ARHGAP24: variants seen among roughly 807,000 people sequenced by gnomAD.
ARHGAP24 encodes rho GTPase-activating protein 24.
In ARHGAP24, 50 loss-of-function variants were observed where a neutral mutation model predicts 76.4. The observed-to-expected ratio is 0.65, with a 90% CI of 0.52 to 0.83. The LOEUF (loss-of-function observed/expected upper bound fraction) is 0.83. Ranked by LOEUF, ARHGAP24 falls within the 40% of genes least tolerant of loss-of-function variation. The pLI is 0.00. For synonymous variants in ARHGAP24, 345 were observed against 323.3 expected, an observed-to-expected ratio of 1.07 and a Z score of -0.72; for missense variants, 930 against 914.2, an observed-to-expected ratio of 1.02 and a Z score of -0.22.
chr4:85,934,011 G>A (rs1416306168), intron 4 of ARHGAP24, among the ~76,000 whole-genome samples: 1 of 151,868 alleles, frequency 6.6e-6, no homozygotes, highest in Non-Finnish European at 1.5e-5. Context: ...TGCCTTTATT[G>A]CTCCATGTAT....
At chr4:85,726,333 G>A (rs776308466) in intron 3 of ARHGAP24, among the ~76,000 whole-genome samples, 3 of 152,088 alleles carry the variant, frequency 2.0e-5, no homozygotes, top group Non-Finnish European at 2.9e-5. Flanking sequence ...CAGGAAACAC[G>A]CTGATGGAGA....
intron 1 of ARHGAP24, among the ~76,000 whole-genome samples, chr4:85,482,234 T>C (rs1722842638): frequency 6.6e-6 from 1 of 152,234 alleles, no homozygotes. Flanking sequence ...TGGTTTGTCA[T>C]TGTGAAATCG....
At chr4:85,909,298 T>TG (rs1381994828) in intron 3 of ARHGAP24, among the ~76,000 whole-genome samples, 3 of 117,454 alleles carry the variant, frequency 2.6e-5, no homozygotes, top group African/African-American at 9.9e-5. Flanking sequence ...TTTTCTTTTG[T>TG]TTTGTTTTTT....
At chr4:85,815,202 C>G (rs1729186129) in intron 3 of ARHGAP24, among the ~76,000 whole-genome samples, 1 of 152,032 alleles carries the variant, frequency 6.6e-6, no homozygotes, top group Non-Finnish European at 1.5e-5. Flanking sequence ...CCATGAAGAC[C>G]TCTGACATAA....
chr4:85,757,865 C>G (rs1463649482), intron 3 of ARHGAP24, among the ~76,000 whole-genome samples: 1 of 152,162 alleles, frequency 6.6e-6, no homozygotes, highest in Non-Finnish European at 1.5e-5. Context: ...TCTCCACATC[C>G]TCTCCAGCAC....
intron 3 of ARHGAP24, among the ~76,000 whole-genome samples, chr4:85,865,166 A>G (rs939441813): frequency 6.6e-6 from 1 of 152,072 alleles, no homozygotes; most frequent in Non-Finnish European, 1.5e-5. Context: ...GATGTGTTTC[A>G]GAAAAATACC....
intron 3 of ARHGAP24, 179 bp downstream of exon 3, chr4:85,722,151 A>T: frequency 1.7e-6 from 1 of 580,508 alleles, no homozygotes; most frequent in East Asian, 3.2e-5. Flanking sequence ...GAATGCACTC[A>T]CACACACATA....
intron 1 of ARHGAP24, among the ~76,000 whole-genome samples, chr4:85,487,723 TTTATATTATATATTATATA>T: frequency 9.5e-6 from 1 of 105,156 alleles, no homozygotes; most frequent in Admixed American, 1.4e-4. Flanking sequence ...TAAATATATA[TTTATATTATATATTATATA>T]ATATATATTT....
At chr4:85,612,061 A>G (rs1578076717) in intron 2 of ARHGAP24, among the ~76,000 whole-genome samples, 1 of 145,730 alleles carries the variant, frequency 6.9e-6, no homozygotes, top group Admixed American at 7.1e-5. Context: ...ATGTGGATAA[A>G]TTGGGTTCTC....
intron 2 of ARHGAP24, among the ~76,000 whole-genome samples, chr4:85,575,128 A>G (rs2109966810): frequency 6.6e-6 from 1 of 152,226 alleles, no homozygotes; most frequent in South Asian, 2.1e-4. Context: ...TTATCCTGTA[A>G]TTTTTTTAAT....
chr4:85,907,593 G>A (rs1217418526), intron 3 of ARHGAP24, among the ~76,000 whole-genome samples: 1 of 145,070 alleles, frequency 6.9e-6, no homozygotes, highest in African/African-American at 2.5e-5. Context: ...GTGTACATAT[G>A]TGCTTGTCTG....
Position 85,843,751 on chromosome 4 carries a change from A to G in ARHGAP24, c.269-79897A>G, listed in dbSNP as rs186993506. 1.1e-4 allele frequency among the ~76,000 whole-genome samples: 17 copies of G among 152,292 alleles called. No individual in the cohort carries two copies. In the East Asian group the frequency reaches 3.3e-3, roughly 29 times the overall value. ...CACCTATTTATTTACAGAAAAATCA[A>G]CAAGAATTAGAAAACATGTTGGAAA... On this transcript the variant is annotated intron_variant, in intron 3 of 9. Coordinates refer to ENST00000395184, the MANE Select transcript of ARHGAP24 (RefSeq NM_001025616.3).
At chr4:85,653,228 A>G (rs191649496) in intron 2 of ARHGAP24, among the ~76,000 whole-genome samples, 8 of 152,258 alleles carry the variant, frequency 5.3e-5, no homozygotes, top group Non-Finnish European at 1.0e-4. Flanking sequence ...ACCAGAATAT[A>G]TCATTGTTCT....
intron 3 of ARHGAP24, among the ~76,000 whole-genome samples, chr4:85,880,987 T>G (rs761616042): frequency 6.6e-6 from 1 of 152,212 alleles, no homozygotes; most frequent in Non-Finnish European, 1.5e-5. Flanking sequence ...AGTGTTCACG[T>G]ATTCACCTAA....
At chr4:85,855,453 T>C (rs1158846271) in intron 3 of ARHGAP24, among the ~76,000 whole-genome samples, 1 of 152,176 alleles carries the variant, frequency 6.6e-6, no homozygotes. Context: ...ACGCCTGTAA[T>C]CCCAGTACTT....
At chr4:85,597,791 G>A (rs1228309391) in intron 2 of ARHGAP24, among the ~76,000 whole-genome samples, 1 of 152,044 alleles carries the variant, frequency 6.6e-6, no homozygotes, top group Non-Finnish European at 1.5e-5. Context: ...AGGTTGAAAA[G>A]TAGAGAATCT....
At chr4:85,937,785 C>A (rs1003467496) in intron 4 of ARHGAP24, among the ~76,000 whole-genome samples, 2 of 151,990 alleles carry the variant, frequency 1.3e-5, no homozygotes, top group Non-Finnish European at 2.9e-5. Flanking sequence ...TAGAAAAAAG[C>A]CATTTTATTG....
intron 2 of ARHGAP24, among the ~76,000 whole-genome samples, chr4:85,606,778 A>G (rs1578072536): frequency 1.3e-5 from 2 of 152,334 alleles, no homozygotes; most frequent in South Asian, 2.1e-4. Context: ...AGTGAGACTG[A>G]CATTATATAA....
chr4:85,814,795 T>C (rs1729166620), intron 3 of ARHGAP24, among the ~76,000 whole-genome samples: 1 of 152,106 alleles, frequency 6.6e-6, no homozygotes, highest in African/African-American at 2.4e-5. Flanking sequence ...CACTAGGAGG[T>C]ACCCCAGTAG....
Sources: allele counts gnomAD v4.1 joint callset (sites outside exome capture counted in the v4.1 genomes callset), GRCh38; gene constraint gnomAD v4.1.1; transcripts MANE v1.5; gene names NCBI Gene and HGNC (gene_info 2026-07-23, HGNC 2026-07-21).